Variants in GRM8 observed in about 807,000 individuals in gnomAD.
GRM8 encodes the protein metabotropic glutamate receptor 8.
Under a neutral mutation model 87.2 loss-of-function variants are expected in GRM8, and 47 were observed. The ratio of observed to expected loss-of-function variants is 0.54; its 90% confidence interval spans 0.43 to 0.69. GRM8 has a LOEUF of 0.69. Ranked by LOEUF, GRM8 falls within the 30% of genes least tolerant of loss-of-function variation. The pLI, the probability that GRM8 is intolerant of heterozygous loss-of-function variation, is 0.00. For missense variants in GRM8, 1,019 were observed against 1,139.2 expected (o/e 0.89, Z 1.52); for synonymous variants, 396 against 404.5 (o/e 0.98, Z 0.25).
chr7:126,921,238 G>C (rs1374778070), intron 3 of GRM8, among the ~76,000 whole-genome samples: 1 of 152,148 alleles, frequency 6.6e-6, no homozygotes, highest in East Asian at 1.9e-4. Flanking sequence ...AGGGCAAGAA[G>C]AAGCTCCTAG....
At chr7:126,682,379 A>T (rs1046370812) in intron 7 of GRM8, among the ~76,000 whole-genome samples, 17 of 152,342 alleles carry the variant, frequency 1.1e-4, no homozygotes, top group Admixed American at 4.6e-4. Flanking sequence ...TTCATAAACC[A>T]TCTGATTTAT....
chr7:126,618,616 A>C (rs558753569), intron 7 of GRM8, among the ~76,000 whole-genome samples: 1 of 152,274 alleles, frequency 6.6e-6, no homozygotes, highest in South Asian at 2.1e-4. Flanking sequence ...GAAAATTTTT[A>C]CCATCTACTC....
intron 2 of GRM8, among the ~76,000 whole-genome samples, chr7:127,207,897 A>C (rs1465180406): frequency 6.6e-6 from 1 of 152,210 alleles, no homozygotes; most frequent in Non-Finnish European, 1.5e-5. Flanking sequence ...CCACACTTAA[A>C]GAGTAAATTC....
chr7:126,855,184 T>C (rs183047774), intron 6 of GRM8, among the ~76,000 whole-genome samples: 241 of 152,322 alleles, frequency 1.6e-3, no homozygotes, highest in Non-Finnish European at 3.1e-3. Flanking sequence ...GGAGAGTATT[T>C]CTTATTTTTT....
At chr7:126,795,311 A>T (rs1821836600) in intron 6 of GRM8, among the ~76,000 whole-genome samples, 1 of 152,160 alleles carries the variant, frequency 6.6e-6, no homozygotes, top group African/African-American at 2.4e-5. Flanking sequence ...TGAAGTACCC[A>T]TCACAGCTCC....
At chr7:126,626,137 T>C (rs1800662843) in intron 7 of GRM8, among the ~76,000 whole-genome samples, 1 of 151,894 alleles carries the variant, frequency 6.6e-6, no homozygotes, top group Admixed American at 6.6e-5. Context: ...TGTGTACATA[T>C]GGTCCAACCT....
At chr7:126,518,586 A>G (rs1812516034) in intron 9 of GRM8, among the ~76,000 whole-genome samples, 1 of 152,068 alleles carries the variant, frequency 6.6e-6, no homozygotes, top group African/African-American at 2.4e-5. Context: ...CGGATTCTGG[A>G]TCATACGTTT....
At chr7:126,755,162 GT>G (rs1816863473) in intron 7 of GRM8, among the ~76,000 whole-genome samples, 1 of 151,974 alleles carries the variant, frequency 6.6e-6, no homozygotes, top group Admixed American at 6.6e-5. Flanking sequence ...ATATCTGATA[GT>G]TTGTGCCTAT....
chr7:126,511,734 T>C (rs1811404313), intron 9 of GRM8: 1 of 152,160 alleles, frequency 6.6e-6, no homozygotes, highest in Non-Finnish European at 1.5e-5. Flanking sequence ...GTATGGTTAC[T>C]GCTGGAAATA....
intron 3 of GRM8, among the ~76,000 whole-genome samples, chr7:127,021,585 G>A (rs1321336373): frequency 6.6e-6 from 1 of 151,836 alleles, no homozygotes; most frequent in Admixed American, 6.6e-5. Flanking sequence ...ACTCAAAGTG[G>A]TAGATCTTGT....
At chr7:127,007,240 T>C (rs2896389) in intron 3 of GRM8, among the ~76,000 whole-genome samples, 75,486 of 151,748 alleles carry the variant, frequency 0.5, 18,933 homozygotes, top group Middle Eastern at 0.52. Context: ...CTTGTTTTCA[T>C]TTATGCTAAT....
intron 6 of GRM8, among the ~76,000 whole-genome samples, chr7:126,857,736 C>T (rs771214614): frequency 1.9e-4 from 29 of 152,154 alleles, no homozygotes; most frequent in South Asian, 8.3e-4. Flanking sequence ...GCACTTTAGA[C>T]TCCTATGTTC....
chr7:126,624,311 C>A (rs183346871), intron 7 of GRM8, among the ~76,000 whole-genome samples: 168 of 152,270 alleles, frequency 1.1e-3, no homozygotes, highest in Non-Finnish European at 1.9e-3. Context: ...TGTTTGCAAG[C>A]ACATGAAGGT....
chr7:126,585,385 G>T (rs542967146), intron 8 of GRM8, among the ~76,000 whole-genome samples: 1 of 152,168 alleles, frequency 6.6e-6, no homozygotes, highest in African/African-American at 2.4e-5. Flanking sequence ...CATAAGGTTT[G>T]TCCATTAAGT....
chr7:126,890,979 A>T (rs894720376), intron 6 of GRM8, among the ~76,000 whole-genome samples: 7 of 152,070 alleles, frequency 4.6e-5, no homozygotes, highest in African/African-American at 1.7e-4. Flanking sequence ...TCTTAGCTTC[A>T]GACTCACATA....
At chr7:126,959,086 T>C (rs1224841273) in intron 3 of GRM8, among the ~76,000 whole-genome samples, 1 of 152,202 alleles carries the variant, frequency 6.6e-6, no homozygotes, top group African/African-American at 2.4e-5. Flanking sequence ...CCAATGAGCT[T>C]TAACAGAGTA....
At chr7:126,911,957 G>A (rs1481594445) in intron 3 of GRM8, among the ~76,000 whole-genome samples, 3 of 152,080 alleles carry the variant, frequency 2.0e-5, no homozygotes, top group Non-Finnish European at 2.9e-5. Context: ...CACTTTGAGA[G>A]GCCAAGGCAG....
At chr7:126,828,193 C>A (rs1795006739) in intron 6 of GRM8, among the ~76,000 whole-genome samples, 1 of 152,170 alleles carries the variant, frequency 6.6e-6, no homozygotes, top group East Asian at 1.9e-4. Flanking sequence ...TGTGTCTCTG[C>A]CCGGCTTTGG....
intron 3 of GRM8, among the ~76,000 whole-genome samples, chr7:126,936,427 T>C (rs1479157313): frequency 6.6e-6 from 1 of 152,148 alleles, no homozygotes; most frequent in East Asian, 1.9e-4. Context: ...AATAGGATTG[T>C]GTTACAGACT....
Sources: gnomAD v4.1 joint callset for allele counts (sites outside exome capture counted in the v4.1 genomes callset) on GRCh38, gnomAD v4.1.1 for gene constraint, MANE v1.5 for transcripts, NCBI Gene and HGNC (gene_info 2026-07-23, HGNC 2026-07-21) for gene names.